The following GNL2 variants were observed in gnomAD, a reference collection of about 807,000 sequenced individuals.
GNL2 encodes G protein nucleolar 2, also known as nucleolar GTP-binding protein 2.
A neutral mutation model predicts 92.3 loss-of-function variants in GNL2; 51 were observed. The ratio of observed to expected loss-of-function variants is 0.55; its 90% confidence interval spans 0.44 to 0.70. The LOEUF is 0.70. Ranked by LOEUF, GNL2 falls within the 30% of genes least tolerant of loss-of-function variation. GNL2 has a pLI of 0.00. For missense variants in GNL2, 844 were observed against 895.6 expected, an observed-to-expected ratio of 0.94 and a Z score of 0.74; for synonymous variants, 283 against 300.6, an observed-to-expected ratio of 0.94 and a Z score of 0.61.
In GNL2 at chr1:37,582,988, G is replaced by T. The variant is rs55913356; in HGVS notation, c.637-52C>A. 5.8e-3 allele frequency: 7,421 copies of T among 1,287,980 alleles called. 40 individuals are homozygous for T. The highest frequency in any genetic ancestry group is 7.2e-3 in the Non-Finnish European group (6,590 of 910,142). The allele number at this position is 1,287,980 out of a possible 1,614,324, so 79.8% of individuals were successfully genotyped here. Reference sequence around the variant, plus strand: ...TTTGCTACAGTACAAATAAAAGAGGGATGACATTTAAGGGAGTCTGGGAAA... The same window carrying T: ...TTTGCTACAGTACAAATAAAAGAGGTATGACATTTAAGGGAGTCTGGGAAA... On this transcript the variant is annotated intron_variant, in intron 6 of 15. Coordinates refer to ENST00000373062, the MANE Select transcript of GNL2 (RefSeq NM_013285.3).
rs1260169327 is a variant in GNL2 at position 37,567,751 on chromosome 1, C to T, written c.1965G>A (p.Lys655=). 1 of 1,613,324 alleles carries T rather than the reference C, an allele frequency of 6.2e-7. No individual in the cohort carries two copies. Among genetic ancestry groups the T allele is most frequent in the East Asian group, 2.2e-5 (1 of 44,870 alleles). Residue 655 remains lysine (K), a synonymous_variant, in exon 15 of 16, where the codon AAG becomes AAA. Transcript: ENST00000373062. ...CCCTTTGTGCCTTCCGCTTCTTTCC[C>T]TTTTTGGAAGGTGCTGGATACAAAC... is the stretch of plus-strand genomic sequence containing the variant. The part of the protein sequence containing the change: ...EDVDDRAPSK[K]GKKRKAQREE...
At position 37,583,951 on chromosome 1, in the gene GNL2, C is replaced by A. The variant is rs6426024; in HGVS notation, c.570-18G>T. 3.6e-5 allele frequency: 51 copies of A among 1,416,924 alleles called. No homozygotes were observed. In the Admixed American group the frequency reaches 7.2e-4, roughly 20 times the overall value. 87.8% of individuals were successfully genotyped at this position (1,416,924 alleles called of 1,614,324 possible). A position where few individuals can be genotyped will look rare whatever the true frequency, so the allele number is the denominator to read the frequency against. ...CTTCATTTCTAAATAAGAAAGCACC[C>A]CAAATGAGCAACTGAAGCACCATCA... On this transcript the variant is annotated intron_variant, in intron 5 of 15. Transcript: ENST00000373062.
chr1:37,568,804 G>A, intron 13 of GNL2, 47 bp downstream of exon 13: 1 of 1,436,140 alleles, frequency 7.0e-7, no homozygotes, highest in East Asian at 2.3e-5. Flanking sequence ...GCAAATTTTT[G>A]GGAAAGGAAT....
In GNL2 at chr1:37,587,388, G is replaced by C. The variant is rs944187672; in HGVS notation, c.492C>G (p.Ile164Met). Reference protein sequence around the residue: ...NLFASDMQSLIENAEMSTESY... With the variant: ...NLFASDMQSLMENAEMSTESY... ...TCTCAGTGGACATTTCAGCATTTTC[G>C]ATAAGAGACTGCATATCACTTGCAA... Residue 164 changes from isoleucine to methionine, a missense_variant, in exon 5 of 16, where the codon ATC becomes ATG. Physicochemically the swap from Ile to Met is conservative, Grantham distance 10. Transcript: ENST00000373062. The C allele has an allele frequency of 6.2e-7, 1 of 1,613,078 alleles. No homozygotes were observed. Among genetic ancestry groups the C allele is most frequent in the Non-Finnish European group, 8.5e-7 (1 of 1,179,254 alleles).
rs577154570 is a variant in GNL2 at position 37,576,405 on chromosome 1, A to T, written c.1038+23T>A. On this transcript the variant is annotated intron_variant, in intron 9 of 15. Transcript: ENST00000373062. ...TATGAAAAGAAAATATGCAAAAGTA[A>T]GGTCACCCTGCGCCCAACGTACCTT... 413 of 1,604,940 alleles carry T rather than the reference A, an allele frequency of 2.6e-4. 5 individuals carry two copies. The South Asian group carries it at 4.2e-3, about 16-fold the overall frequency.
At chr1:37,584,471 AAAAAAAG>A (rs534493262) in intron 5 of GNL2, among the ~76,000 whole-genome samples, 7,494 of 145,136 alleles carry the variant, frequency 0.052, 288 homozygotes, top group Non-Finnish European at 0.08. Context: ...TAAAAAAAAA[AAAAAAAG>A]AAGAAGAAAA....
intron 15 of GNL2, 123 bp from the exon 16 acceptor site, chr1:37,567,130 TG>T: frequency 1.0e-6 from 1 of 999,724 alleles, no homozygotes; most frequent in Non-Finnish European, 1.5e-6. Flanking sequence ...CCACAGCTAC[TG>T]GAAGCAGTGC....
At position 37,592,821 on chromosome 1, in the gene GNL2, G is replaced by T; in HGVS notation, c.150-15C>A. 1 of 1,408,934 alleles carries T rather than the reference G, an allele frequency of 7.1e-7. No homozygotes were observed. The highest frequency in any genetic ancestry group is 1.0e-6 in the Non-Finnish European group (1 of 994,014). 87.3% of individuals were successfully genotyped at this position (1,408,934 alleles called of 1,614,324 possible). A position where few individuals can be genotyped will look rare whatever the true frequency, so the allele number is the denominator to read the frequency against. On this transcript the variant is annotated splice_polypyrimidine_tract_variant and intron_variant, in intron 2 of 15. Coordinates refer to ENST00000373062, the MANE Select transcript of GNL2 (RefSeq NM_013285.3). Reference sequence around the variant, plus strand: ...CACGACTGTTCCTAAATTGAGGAAAGAACAGATATTGGTTGACAACAGAAA... The same window carrying T: ...CACGACTGTTCCTAAATTGAGGAAATAACAGATATTGGTTGACAACAGAAA...
chr1:37,574,348 G>C lies in GNL2; in HGVS notation c.1411C>G (p.Pro471Ala), dbSNP rs1238587637. 1.9e-6 allele frequency: 3 copies of C among 1,612,504 alleles called. No homozygotes were observed. The highest frequency in any genetic ancestry group is 2.2e-5 in the South Asian group (2 of 90,920). The change falls in exon 12 of 16, where the codon CCC becomes GCC. Residue 471 changes from proline to alanine, a missense_variant. Physicochemically the swap from Pro to Ala is conservative, Grantham distance 27. Transcript: ENST00000373062. ...TGGGCCCACCCTGCTCTTACCTGGG[G>C]GGCCACAAGTGGCTCTGCATTGGGT... is the stretch of plus-strand genomic sequence containing the variant. ...KPPNAEPLVA[P>A]QLLPSSSLEV...
At chr1:37,577,241 A>AC (rs530334326) in intron 8 of GNL2, among the ~76,000 whole-genome samples, 6 of 151,368 alleles carry the variant, frequency 4.0e-5, no homozygotes, top group African/African-American at 9.7e-5. Context: ...CCCACAACTC[A>AC]CCCCCCCTTT....
chr1:37,577,089 T>A (rs1008772790), intron 8 of GNL2, among the ~76,000 whole-genome samples: 1 of 147,462 alleles, frequency 6.8e-6, no homozygotes. Flanking sequence ...ATAGCCTGGG[T>A]GACAGAGACT....
In GNL2 at chr1:37,567,678, T is replaced by G; in HGVS notation, c.2038A>C (p.Lys680Gln). 1 of 1,602,202 alleles carries G rather than the reference T, an allele frequency of 6.2e-7. No individual in the cohort carries two copies. Among genetic ancestry groups the G allele is most frequent in the Non-Finnish European group, 8.6e-7 (1 of 1,169,114 alleles). Residue 680 changes from lysine to glutamine, a missense_variant, in exon 15 of 16, where the codon AAA becomes CAA. Coordinates refer to ENST00000373062, the MANE Select transcript of GNL2 (RefSeq NM_013285.3). The part of the protein sequence containing the change: ...SNKAPRALTS[K>Q]ERRRAVRQQR... ...TTAAAACCTATGACACTTACTTCTT[T>G]TGATGTAAGCGCCCTGGGAGCTTTA...
chr1:37,568,547 G>A lies in GNL2; in HGVS notation c.1869-190C>T, dbSNP rs1643543775. On this transcript the variant is annotated intron_variant, in intron 13 of 15. Coordinates refer to ENST00000373062, the MANE Select transcript of GNL2 (RefSeq NM_013285.3). Reference sequence around the variant, plus strand: ...GTTTCTAAAGCTTCTCATACTGCAGGCAGCTGAATTTTACAAAATTTACAG... The same window carrying A: ...GTTTCTAAAGCTTCTCATACTGCAGACAGCTGAATTTTACAAAATTTACAG... The A allele has an allele frequency of 5.0e-6, 3 of 602,972 alleles. No homozygotes were observed. The East Asian group carries it at 8.3e-5, about 17-fold the overall frequency. 37.4% of individuals were successfully genotyped at this position (602,972 alleles called of 1,614,324 possible).
rs537105704 is a variant in GNL2 at position 37,579,315 on chromosome 1, AG to A, written c.910-2760del. 4.2e-3 allele frequency among the ~76,000 whole-genome samples: 645 copies of A among 152,264 alleles called. 4 individuals carry two copies. Among genetic ancestry groups the A allele is most frequent in the African/African-American group, 0.014 (598 of 41,578 alleles). On this transcript the variant is annotated intron_variant, in intron 8 of 15. Transcript: ENST00000373062. Reference sequence around the variant, plus strand: ...GTAATCCCAGCACTCTGGGAGGCCGAGGGGGGCGGATCACCTGAGGTCGGAA... The same window carrying A: ...GTAATCCCAGCACTCTGGGAGGCCGAGGGGGCGGATCACCTGAGGTCGGAA...
At chr1:37,584,667 C>T (rs1186437880) in intron 5 of GNL2, among the ~76,000 whole-genome samples, 3 of 151,818 alleles carry the variant, frequency 2.0e-5, no homozygotes, top group Admixed American at 6.6e-5. Context: ...GGAAACGGAC[C>T]GTTAGTGTTA....
rs1404576987 is a variant in GNL2 at position 37,595,781 on chromosome 1, C to T, written c.42G>A (p.Pro14=). The change falls in exon 1 of 16, where the codon CCG becomes CCA. Residue 14 remains proline, a synonymous_variant. Transcript: ENST00000373062. The stretch of plus-strand genomic sequence containing the variant: ...TACCTGGGTTTGTGCTGGCCTTGGA[C>T]GGGTTGATGGTGCTCCGTCCTTTGT... ...PKYKGRSTIN[P]SKASTNPDRV... is the part of the protein sequence containing the mutation. 5.6e-6 allele frequency: 9 copies of T among 1,614,072 alleles called. No homozygotes were observed. Among genetic ancestry groups the T allele is most frequent in the African/African-American group, 1.3e-5 (1 of 74,938 alleles).
chr1:37,574,887 G>T, intron 10 of GNL2, 64 bp from the exon 11 acceptor site: 1 of 1,154,794 alleles, frequency 8.7e-7, no homozygotes, highest in Non-Finnish European at 1.3e-6. Context: ...AGTTCCCAGT[G>T]TCCTTTGCAG....
chr1:37,595,847 G>A lies in GNL2; in HGVS notation c.-25C>T, dbSNP rs1181767620. On this transcript the variant is annotated 5_prime_UTR_variant, in exon 1 of 16. Transcript: ENST00000373062. ...TCTTGGCGACGAGACCGGGACCGGA[G>A]TGCGAGGTCCGGCTTACGTGGTGAA... The A allele has an allele frequency of 6.2e-7, 1 of 1,608,602 alleles. No individual in the cohort carries two copies. The highest frequency in any genetic ancestry group is 8.5e-7 in the Non-Finnish European group (1 of 1,175,078).
chr1:37,579,287 T>G (rs1342432801), intron 8 of GNL2, among the ~76,000 whole-genome samples: 1 of 151,856 alleles, frequency 6.6e-6, no homozygotes, highest in African/African-American at 2.4e-5. Flanking sequence ...GTGGCTCACG[T>G]CTGTAATCCC....
Sources: allele counts gnomAD v4.1 joint callset (sites outside exome capture counted in the v4.1 genomes callset), GRCh38; gene constraint gnomAD v4.1.1; transcripts MANE v1.5; gene names NCBI Gene and HGNC (gene_info 2026-07-23, HGNC 2026-07-21).